The following SLC16A8 variants were observed in gnomAD, a reference collection of about 807,000 sequenced individuals.
The protein encoded by SLC16A8 is monocarboxylate transporter 3.
A neutral mutation model predicts 22.4 loss-of-function variants in SLC16A8; 20 were observed. The ratio of observed to expected loss-of-function variants is 0.89; its 90% confidence interval spans 0.63 to 1.30. The LOEUF is 1.30. Among genes scored for constraint, SLC16A8 ranks in the 50% most tolerant of loss-of-function variants. The pLI, the probability that SLC16A8 is intolerant of heterozygous loss-of-function variation, is 0.00. For synonymous variants in SLC16A8, 393 were observed against 358.8 expected (o/e 1.10, Z -1.08); for missense variants, 817 against 740.3 (o/e 1.10, Z -1.20).
rs376703628 is a variant in SLC16A8, at chr22:38,081,261, G to C, written c.777C>G (p.Thr259=). The change falls in exon 5 of 6, where the codon ACC becomes ACG. Residue 259 remains threonine, a synonymous_variant. Transcript: ENST00000681075. ...AGAGCCCGAGCGCCATCAGGAACTT[G>C]GTGACGGCGTACACGGCGAAGGCGC... The part of the protein sequence containing the change: ...TDRAFAVYAV[T]KFLMALGLFV... The C allele has an allele frequency of 4.4e-6, 7 of 1,586,142 alleles. No homozygotes were observed. In the African/African-American group the frequency reaches 9.5e-5, roughly 21 times the overall value.
rs763207250 is a variant in SLC16A8 at position 38,081,970 on chromosome 22, GC to G, written c.276del (p.Leu93CysfsTer7). The stretch of plus-strand genomic sequence containing the variant: ...AGGATCATGCCCGCGGAAGCCAGCA[GC>G]CCACCCGCCAGCATCACCGGGCGAC... Reference protein sequence around the residue: ...FGCRPVMLAGGLLASAGMILA... With the variant: ...FGCRPVMLAGXLLASAGMILA... On this transcript the variant is annotated frameshift_variant, in exon 4 of 6. Transcript: ENST00000681075. LOFTEE classifies it high-confidence loss of function. 22 of 1,561,086 alleles carry G rather than the reference GC, an allele frequency of 1.4e-5. No individual in the cohort carries two copies. Among genetic ancestry groups the G allele is most frequent in the Non-Finnish European group, 1.8e-5 (21 of 1,152,850 alleles).
Position 38,080,995 on chromosome 22 carries a change from G to C in SLC16A8, c.1043C>G (p.Ala348Gly). 6.3e-7 allele frequency: 1 copy of C among 1,598,490 alleles called. No individual in the cohort carries two copies. Among genetic ancestry groups the C allele is most frequent in the African/African-American group, 1.3e-5 (1 of 75,034 alleles). Residue 348 changes from alanine (A) to glycine (G), a missense_variant, in exon 5 of 6, where the codon GCC (alanine) becomes GGC (glycine). Transcript: ENST00000681075. The part of the protein sequence containing the change: ...ARARSYGALV[A>G]FCVAFGLSYG... ...GGAGAGGCCGAAGGCGACGCAGAAG[G>C]CGACGAGGGCGCCGTAGGAGCGCGC...
rs1158486064 is a variant in SLC16A8, at chr22:38,081,112, A to G, written c.926T>C (p.Leu309Pro). ...DIVARPACGA[L>P]AGLARLRPHV... ...CGGCCGCAGACGCGCCAGGCCCGCC[A>G]GGGCGCCGCACGCCGGGCGCGCCAC... Residue 309 changes from leucine (L) to proline (P), a missense_variant, in exon 5 of 6, where the codon CTG becomes CCG. By Grantham distance (98) the Leu-to-Pro change is moderately conservative. Coordinates refer to ENST00000681075, the MANE Select transcript of SLC16A8 (RefSeq NM_013356.3). 1.2e-5 allele frequency: 18 copies of G among 1,547,988 alleles called. No homozygotes were observed. The highest frequency in any genetic ancestry group is 1.4e-5 in the Non-Finnish European group (16 of 1,148,420).
In SLC16A8 at chr22:38,081,567, C is replaced by G. The variant is rs2145899073; in HGVS notation, c.471G>C (p.Leu157=). Residue 157 remains leucine (L), a synonymous_variant, in exon 5 of 6, where the codon CTG becomes CTC. Transcript: ENST00000681075. ...GCTGGCCGAGCGGCGACAGCGCGGA[C>G]AGGAACACGGGGCTGCCCGCCGCCG... ...GLAAAGSPVF[L]SALSPLGQQL... 6.7e-7 allele frequency: 1 copy of G among 1,496,948 alleles called. No individual in the cohort carries two copies. Among genetic ancestry groups the G allele is most frequent in the Admixed American group, 2.2e-5 (1 of 44,748 alleles). The allele number at this position is 1,496,948 out of a possible 1,614,324, so 92.7% of individuals were successfully genotyped here. A position where few individuals can be genotyped will look rare whatever the true frequency, so the allele number is the denominator to read the frequency against.
intron 2 of SLC16A8, 51 bp from the exon 3 acceptor site, chr22:38,082,932 A>C: frequency 8.8e-7 from 1 of 1,137,386 alleles, no homozygotes; most frequent in South Asian, 1.4e-5. Context: ...AGCAGCCTAG[A>C]GAAGGAGGGG....
intron 5 of SLC16A8, among the ~76,000 whole-genome samples, chr22:38,079,826 C>T (rs1387051469): frequency 6.6e-6 from 1 of 152,220 alleles, no homozygotes; most frequent in Non-Finnish European, 1.5e-5. Context: ...TCAGATCCAT[C>T]CAGATTCACA....
chr22:38,082,235 G>C (rs773667052), intron 3 of SLC16A8, among the ~76,000 whole-genome samples: 1 of 152,236 alleles, frequency 6.6e-6, no homozygotes, highest in Admixed American at 6.5e-5. Context: ...ACCCCAAGCG[G>C]AGCGGGGGCT....
intron 4 of SLC16A8, 82 bp downstream of exon 4, chr22:38,081,807 C>A (rs1409219913): frequency 1.3e-6 from 2 of 1,497,408 alleles, no homozygotes; most frequent in Admixed American, 2.2e-5. Context: ...AAGACTGTCC[C>A]TCATAGGGAA....
intron 5 of SLC16A8, among the ~76,000 whole-genome samples, chr22:38,079,380 G>A (rs528945873): frequency 6.6e-6 from 1 of 152,102 alleles, no homozygotes; most frequent in Non-Finnish European, 1.5e-5. Context: ...GCCTCTCAAA[G>A]TGCTGGGATT....
rs772284432 is a variant in SLC16A8 at position 38,081,285 on chromosome 22, G to C, written c.753C>G (p.Arg251=). ...RLLDLAVCTD[R]AFAVYAVTKF... Reference sequence around the variant, plus strand: ...TGGTGACGGCGTACACGGCGAAGGCGCGGTCGGTGCACACTGCCAAGTCCA... The same window carrying C: ...TGGTGACGGCGTACACGGCGAAGGCCCGGTCGGTGCACACTGCCAAGTCCA... Residue 251 remains arginine, a synonymous_variant, in exon 5 of 6, where the codon CGC becomes CGG. Coordinates refer to ENST00000681075, the MANE Select transcript of SLC16A8 (RefSeq NM_013356.3). 1.3e-6 allele frequency: 2 copies of C among 1,572,794 alleles called. No homozygotes were observed. The highest frequency in any genetic ancestry group is 1.7e-6 in the Non-Finnish European group (2 of 1,159,066).
intron 3 of SLC16A8, 64 bp downstream of exon 3, chr22:38,082,596 G>A (rs1384934042): frequency 7.3e-7 from 1 of 1,373,032 alleles, no homozygotes; most frequent in Non-Finnish European, 9.8e-7. Flanking sequence ...CAGGGGCTCG[G>A]GTGTCTCCTG....
chr22:38,080,830 CG>C lies in SLC16A8; in HGVS notation c.1198+9del. 6.8e-7 allele frequency: 1 copy of C among 1,479,900 alleles called. No individual in the cohort carries two copies. 91.7% of individuals were successfully genotyped at this position (1,479,900 alleles called of 1,614,324 possible). A position where few individuals can be genotyped will look rare whatever the true frequency, so the allele number is the denominator to read the frequency against. ...CTAGGCTCGCCACCCCCTCTTCCTTCGGGGCGCACCGGCAGAGGGCGGTCCG... is the reference window on the plus strand; with the variant it reads ...CTAGGCTCGCCACCCCCTCTTCCTTCGGGCGCACCGGCAGAGGGCGGTCCG... On this transcript the variant is annotated intron_variant, in intron 5 of 5. Coordinates refer to ENST00000681075, the MANE Select transcript of SLC16A8 (RefSeq NM_013356.3).
intron 5 of SLC16A8, 23 bp downstream of exon 5, chr22:38,080,816 AC>A (rs1214931330): frequency 6.8e-7 from 1 of 1,465,796 alleles, no homozygotes; most frequent in Non-Finnish European, 9.0e-7. Flanking sequence ...TAGGCTCGCC[AC>A]CCCCTCTTCC....
chr22:38,081,669 C>G lies in SLC16A8; in HGVS notation c.369G>C (p.Leu123=). ...TGAGCGACGGCTGGAAGTTGAGGGCCAGGCCCAGGCCTGCGGGCGAGGCGG... is the reference window on the plus strand; with the variant it reads ...TGAGCGACGGCTGGAAGTTGAGGGCGAGGCCCAGGCCTGCGGGCGAGGCGG... ...LTAGVLTGLG[L]ALNFQPSLIM... is the part of the protein sequence containing the mutation. The change falls in exon 5 of 6, where the codon CTG becomes CTC. Residue 123 remains leucine (L), a synonymous_variant. Coordinates refer to ENST00000681075, the MANE Select transcript of SLC16A8 (RefSeq NM_013356.3). 5.9e-6 allele frequency: 9 copies of G among 1,516,788 alleles called. No homozygotes were observed. The highest frequency in any genetic ancestry group is 7.9e-6 in the Non-Finnish European group (9 of 1,137,664). The allele number at this position is 1,516,788 out of a possible 1,614,324, so 94.0% of individuals were successfully genotyped here.
intron 5 of SLC16A8, 136 bp downstream of exon 5, chr22:38,080,704 T>C: frequency 1.6e-6 from 2 of 1,231,704 alleles, no homozygotes; most frequent in Non-Finnish European, 2.2e-6. Context: ...AGGGACTAAC[T>C]GGCCGTGAAG....
At chr22:38,082,162 A>G (rs2085927996) in intron 3 of SLC16A8, 130 bp from the exon 4 acceptor site, 2 of 1,135,768 alleles carry the variant, frequency 1.8e-6, no homozygotes, top group South Asian at 1.6e-5. Context: ...CTTGGAGGGG[A>G]CAGGCCAAAG....
chr22:38,082,950 A>C, intron 2 of SLC16A8, 69 bp from the exon 3 acceptor site: 7 of 1,028,288 alleles, frequency 6.8e-6, no homozygotes, highest in Non-Finnish European at 9.7e-6. Context: ...GGGGATGGAG[A>C]CGAAGCATGG....
chr22:38,078,811 C>T lies in SLC16A8; in HGVS notation c.1199-107G>A, dbSNP rs574936978. On this transcript the variant is annotated intron_variant, in intron 5 of 5. Coordinates refer to ENST00000681075, the MANE Select transcript of SLC16A8 (RefSeq NM_013356.3). ...TGGTGCCACTGACTTGGTGAGGCTC[C>T]TGGGTGACACACACATGCCCACTCT... 4 of 876,766 alleles carry T rather than the reference C, an allele frequency of 4.6e-6. No homozygotes were observed. In the African/African-American group the frequency reaches 5.0e-5, roughly 11 times the overall value. 54.3% of individuals were successfully genotyped at this position (876,766 alleles called of 1,614,324 possible).
chr22:38,081,982 G>A lies in SLC16A8; in HGVS notation c.265C>T (p.Leu89=), dbSNP rs978717294. 1 of 1,571,400 alleles carries A rather than the reference G, an allele frequency of 6.4e-7. No individual in the cohort carries two copies. Among genetic ancestry groups the A allele is most frequent in the South Asian group, 1.2e-5 (1 of 85,498 alleles). ...VTRFGCRPVM[L]AGGLLASAGM... is the part of the protein sequence containing the mutation. Reference sequence around the variant, plus strand: ...GCGGAAGCCAGCAGCCCACCCGCCAGCATCACCGGGCGACAGCCAAAGCGG... The same window carrying A: ...GCGGAAGCCAGCAGCCCACCCGCCAACATCACCGGGCGACAGCCAAAGCGG... The change falls in exon 4 of 6, where the codon CTG becomes TTG. Residue 89 remains leucine, a synonymous_variant. Transcript: ENST00000681075.
Sources: allele counts gnomAD v4.1 joint callset (sites outside exome capture counted in the v4.1 genomes callset), GRCh38; gene constraint gnomAD v4.1.1; transcripts MANE v1.5; gene names NCBI Gene and HGNC (gene_info 2026-07-23, HGNC 2026-07-21).